The following SASH1 variants were observed in gnomAD, a reference collection of about 807,000 sequenced individuals.
The protein encoded by SASH1 is SAM and SH3 domain containing 1, also known as SAM and SH3 domain-containing protein 1.
A neutral mutation model predicts 125.2 loss-of-function variants in SASH1; 44 were observed. The observed-to-expected ratio is 0.35, with a 90% CI of 0.28 to 0.45. The LOEUF (loss-of-function observed/expected upper bound fraction) is 0.45. SASH1 is among the 20% of genes least tolerant of loss of function. The pLI is 1.00. For missense variants in SASH1, 1,426 were observed against 1,614.5 expected (o/e 0.88, Z 2.00); for synonymous variants, 639 against 649.1 (o/e 0.98, Z 0.24).
the SASH1 span, among the ~76,000 whole-genome samples, chr6:148,212,588 C>A: frequency 1.1e-4 from 17 of 152,166 alleles, no homozygotes; most frequent in South Asian, 2.9e-3. Flanking sequence ...TACAGAAATA[C>A]GTGTATATCT....
chr6:148,517,339 A>G (rs1583288358), intron 9 of SASH1, among the ~76,000 whole-genome samples: 1 of 152,090 alleles, frequency 6.6e-6, no homozygotes, highest in Non-Finnish European at 1.5e-5. Context: ...CCCACAGCCT[A>G]CCTCTCTCCT....
At chr6:148,331,405 C>T (rs1049620223) in intron 1 of SASH1, among the ~76,000 whole-genome samples, 9 of 152,184 alleles carry the variant, frequency 5.9e-5, no homozygotes, top group African/African-American at 2.2e-4. Context: ...TCTTGGCTCA[C>T]TGCAACCTCT....
chr6:148,433,907 A>G (rs1194970430), intron 2 of SASH1, among the ~76,000 whole-genome samples: 2 of 151,868 alleles, frequency 1.3e-5, no homozygotes, highest in Non-Finnish European at 1.5e-5. Context: ...AATTTGTTAT[A>G]TATATCTTTT....
the SASH1 span, among the ~76,000 whole-genome samples, chr6:148,216,309 T>A: frequency 6.6e-6 from 1 of 152,216 alleles, no homozygotes; most frequent in Non-Finnish European, 1.5e-5. Flanking sequence ...ACTACTTTTA[T>A]TGTCTAAAGA....
At chr6:148,399,897 G>A (rs1784107557) in intron 2 of SASH1, among the ~76,000 whole-genome samples, 1 of 152,168 alleles carries the variant, frequency 6.6e-6, no homozygotes, top group African/African-American at 2.4e-5. Context: ...TTGGAGCCTG[G>A]AATATTAAAA....
intron 8 of SASH1, among the ~76,000 whole-genome samples, chr6:148,506,459 A>G (rs1042453522): frequency 3.9e-5 from 6 of 152,122 alleles, no homozygotes; most frequent in African/African-American, 1.2e-4. Flanking sequence ...TGGGCAACAG[A>G]GCAAAACTCC....
At chr6:148,356,454 A>AGTGGGAT (rs1254479008) in intron 1 of SASH1, among the ~76,000 whole-genome samples, 1 of 144,182 alleles carries the variant, frequency 6.9e-6, no homozygotes, top group African/African-American at 2.6e-5. Flanking sequence ...TACCCCCAGG[A>AGTGGGAT]GTGGGATTGC....
chr6:148,527,353 A>C, intron 11 of SASH1, 100 bp from the exon 12 acceptor site: 6 of 993,372 alleles, frequency 6.0e-6, no homozygotes, highest in Non-Finnish European at 8.7e-6. Context: ...TCCATGAGGA[A>C]TGTCAATATT....
At chr6:148,458,975 A>AG (rs1212823472) in intron 4 of SASH1, among the ~76,000 whole-genome samples, 1 of 120,090 alleles carries the variant, frequency 8.3e-6, no homozygotes, top group Non-Finnish European at 1.7e-5. Context: ...TCAAAAAAAA[A>AG]AAAAGTATAC....
intron 2 of SASH1, among the ~76,000 whole-genome samples, chr6:148,436,935 A>G (rs940209412): frequency 4.6e-5 from 7 of 152,250 alleles, no homozygotes; most frequent in Non-Finnish European, 7.3e-5. Context: ...TCAGTGTACA[A>G]CATGCCCAAA....
chr6:148,503,331 G>C (rs1049240320), intron 8 of SASH1, among the ~76,000 whole-genome samples: 1 of 151,892 alleles, frequency 6.6e-6, no homozygotes, highest in African/African-American at 2.4e-5. Context: ...AAAAGAATGT[G>C]TTAGACATGT....
the SASH1 span, among the ~76,000 whole-genome samples, chr6:148,225,172 C>T: frequency 6.6e-6 from 1 of 152,248 alleles, no homozygotes; most frequent in Non-Finnish European, 1.5e-5. Flanking sequence ...AACTCCATCA[C>T]TTCCTTCACC....
rs780417357 is a variant in SASH1 at position 148,448,109 on chromosome 6, GGA to G, written c.386+7708_386+7709del. 2.8e-3 allele frequency among the ~76,000 whole-genome samples: 413 copies of G among 147,682 alleles called. 3 individuals carry two copies. Among genetic ancestry groups the G allele is most frequent in the African/African-American group, 8.5e-3 (340 of 40,158 alleles). ...TGGACTCTCCTGCTTCTATTGCAGT[GGA>G]GAGAGTGTGTGTGTGTGTGTGTGTG... On this transcript the variant is annotated intron_variant, in intron 4 of 19. Transcript: ENST00000367467.
At chr6:148,432,068 T>C (rs992373752) in intron 2 of SASH1, among the ~76,000 whole-genome samples, 6 of 151,788 alleles carry the variant, frequency 4.0e-5, no homozygotes, top group Non-Finnish European at 5.9e-5. Flanking sequence ...GTCTGCCTCC[T>C]GGGTTCAAGC....
intron 2 of SASH1, among the ~76,000 whole-genome samples, chr6:148,394,433 T>C (rs1381793233): frequency 6.6e-6 from 1 of 152,208 alleles, no homozygotes; most frequent in African/African-American, 2.4e-5. Flanking sequence ...TGATGGGAAC[T>C]CATTTCCTTG....
intron 2 of SASH1, among the ~76,000 whole-genome samples, chr6:148,402,937 G>C (rs1344488370): frequency 6.6e-6 from 1 of 152,048 alleles, no homozygotes; most frequent in Non-Finnish European, 1.5e-5. Context: ...AAGCACATTA[G>C]AGTTGACATA....
At chr6:148,310,999 A>G (rs1177212598) in intron 1 of SASH1, among the ~76,000 whole-genome samples, 2 of 152,030 alleles carry the variant, frequency 1.3e-5, no homozygotes, top group Non-Finnish European at 2.9e-5. Flanking sequence ...GGCTGGTCTC[A>G]AACTCCTGGG....
chr6:148,226,397 T>TG, the SASH1 span, among the ~76,000 whole-genome samples: 9 of 152,104 alleles, frequency 5.9e-5, no homozygotes, highest in African/African-American at 2.2e-4. Flanking sequence ...ATAAATGGAG[T>TG]GGGGAGGTAA....
rs185094862 is a variant in SASH1 at position 148,319,010 on chromosome 6, C to T, written n.74+46633C>T. Among the ~76,000 whole-genome samples, 116 of 141,946 alleles carry T rather than the reference C, an allele frequency of 8.2e-4. 2 individuals carry two copies. In the East Asian group the frequency reaches 0.02, roughly 25 times the overall value. The allele number at this position is 141,946 out of a possible 152,430, so 93.1% of individuals were successfully genotyped here. A position where few individuals can be genotyped will look rare whatever the true frequency, so the allele number is the denominator to read the frequency against. ...TCCTGTTATGGAATATGGAAGAAGC[C>T]GCATTTATCTTCTTTTTTTTTTTTT... On this transcript the variant is annotated intron_variant and non_coding_transcript_variant, in intron 1 of 3. Coordinates refer to the SASH1 transcript ENST00000367469.
Sources: gnomAD v4.1 joint callset for allele counts (sites outside exome capture counted in the v4.1 genomes callset) on GRCh38, gnomAD v4.1.1 for gene constraint, MANE v1.5 for transcripts, NCBI Gene and HGNC (gene_info 2026-07-23, HGNC 2026-07-21) for gene names.